TULP4: variants seen among roughly 807,000 people sequenced by gnomAD.
TULP4 encodes the protein TUB like protein 4, also known as tubby-related protein 4.
TULP4 carries 16 observed loss-of-function variants against 129.0 expected under a neutral mutation model. The ratio of observed to expected loss-of-function variants is 0.12; its 90% CI spans 0.08 to 0.19. TULP4 has a LOEUF of 0.19. Among genes scored for constraint, TULP4 ranks in the 10% least tolerant of loss-of-function variants. The pLI, the probability that TULP4 is intolerant of heterozygous loss-of-function variation, is 1.00. For missense variants in TULP4, 1,842 were observed against 2,059.1 expected, an observed-to-expected ratio of 0.89 and a Z score of 2.04; for synonymous variants, 998 against 854.0, an observed-to-expected ratio of 1.17 and a Z score of -2.94.
rs6918518 is a variant in TULP4 at position 158,509,664 on chromosome 6, A to C, written c.*2970A>C. 0.52 allele frequency: 78,820 copies of C among 152,110 alleles called. 20,807 individuals carry two copies. The highest frequency in any genetic ancestry group is 0.61 in the African/African-American group (25,136 of 41,470). 9.4% of individuals were successfully genotyped at this position (152,110 alleles called of 1,614,324 possible). Reference sequence around the variant, plus strand: ...AGGCGCTTTCCCCCGATGGAGGCACAGGCTTCTGTCTCGGATGTTTGGCGC... The same window carrying C: ...AGGCGCTTTCCCCCGATGGAGGCACCGGCTTCTGTCTCGGATGTTTGGCGC... On this transcript the variant is annotated 3_prime_UTR_variant, in exon 14 of 14. Transcript: ENST00000367097.
At chr6:158,480,980 C>T (rs764369155) in intron 7 of TULP4, 75 bp from the exon 8 acceptor site, 157 of 1,374,884 alleles carry the variant, frequency 1.1e-4, no homozygotes, top group Non-Finnish European at 1.5e-4. Context: ...TGACCTGCCC[C>T]CGTGCCCACT....
chr6:158,440,777 C>A lies in TULP4; in HGVS notation c.544-8219C>A, dbSNP rs9456305. On this transcript the variant is annotated intron_variant, in intron 3 of 13. Transcript: ENST00000367097. Reference sequence around the variant, plus strand: ...GTTCGTTTTTAGTTATTTCTTTTTGCGTGTATTTGAGAAATTCTGTTGAGC... The same window carrying A: ...GTTCGTTTTTAGTTATTTCTTTTTGAGTGTATTTGAGAAATTCTGTTGAGC... Among the ~76,000 whole-genome samples the A allele has an allele frequency of 7.6e-3, 1,161 of 152,204 alleles. 13 individuals are homozygous for A. Among genetic ancestry groups the A allele is most frequent in the African/African-American group, 0.026 (1,092 of 41,530 alleles).
chr6:158,291,026 A>G (rs1353713755), intron 1 of TULP4, among the ~76,000 whole-genome samples: 1 of 152,226 alleles, frequency 6.6e-6, no homozygotes, highest in Non-Finnish European at 1.5e-5. Flanking sequence ...GAAATATAGT[A>G]CCTATAAAGC....
At chr6:158,240,719 C>T (rs1321695657) in intron 1 of TULP4, among the ~76,000 whole-genome samples, 5 of 127,662 alleles carry the variant, frequency 3.9e-5, no homozygotes, top group Non-Finnish European at 8.9e-5. Flanking sequence ...ACCTCCCTCC[C>T]GGACGGGGCG....
Position 158,446,467 on chromosome 6 carries a change from T to C in TULP4, c.544-2529T>C, listed in dbSNP as rs1397341432. Among the ~76,000 whole-genome samples the C allele has an allele frequency of 3.9e-5, 6 of 152,362 alleles. No homozygotes were observed. In the South Asian group the frequency reaches 8.3e-4, roughly 21 times the overall value. ...AATCAGTCCTTATTCAGGAATTATA[T>C]GTATGTTCTTTCATCTGTCCTTTCT... On this transcript the variant is annotated intron_variant, in intron 3 of 13. Coordinates refer to ENST00000367097, the MANE Select transcript of TULP4 (RefSeq NM_020245.5).
intron 1 of TULP4, among the ~76,000 whole-genome samples, chr6:158,330,956 A>G (rs1409323116): frequency 6.6e-6 from 1 of 152,124 alleles, no homozygotes; most frequent in East Asian, 1.9e-4. Context: ...CCAAGCCAGA[A>G]TACTACATAA....
chr6:158,362,876 T>G (rs1780828815), intron 1 of TULP4, among the ~76,000 whole-genome samples: 2 of 150,986 alleles, frequency 1.3e-5, no homozygotes. Flanking sequence ...CCTGGCCAAG[T>G]TGGTGAAACC....
At chr6:158,311,818 T>A (rs1779361188), upstream of TULP4, among the ~76,000 whole-genome samples, 1 of 152,132 alleles carries the variant, frequency 6.6e-6, no homozygotes, top group Non-Finnish European at 1.5e-5. Context: ...TGCTGACAAA[T>A]TGAATACAAC....
Position 158,502,168 on chromosome 6 carries a change from C to A in TULP4, c.2505C>A (p.Pro835=). 6.4e-7 allele frequency: 1 copy of A among 1,570,552 alleles called. No homozygotes were observed. The highest frequency in any genetic ancestry group is 2.3e-5 in the East Asian group (1 of 43,340). ...EVQVTKINPP[P]PYPGTIPAAP... ...AGGTGACGAAGATAAACCCTCCACCCCCGTACCCAGGAACCATCCCCGCTG... is the reference window on the plus strand; with the variant it reads ...AGGTGACGAAGATAAACCCTCCACCACCGTACCCAGGAACCATCCCCGCTG... Residue 835 remains proline, a synonymous_variant, in exon 13 of 14, where the codon CCC becomes CCA. Transcript: ENST00000367097.
At chr6:158,378,175 C>T (rs571150173) in intron 1 of TULP4, among the ~76,000 whole-genome samples, 131 of 152,274 alleles carry the variant, frequency 8.6e-4, no homozygotes, top group African/African-American at 2.5e-3. Context: ...GGCACATCCT[C>T]TCTTCTGCAG....
intron 1 of TULP4, among the ~76,000 whole-genome samples, chr6:158,241,158 G>A (rs1402536511): frequency 1.5e-5 from 2 of 136,208 alleles, no homozygotes; most frequent in Non-Finnish European, 3.3e-5. Context: ...GGGCGGCCGG[G>A]CAGAGACGCT....
intron 8 of TULP4, among the ~76,000 whole-genome samples, chr6:158,489,358 T>G (rs938369059): frequency 5.9e-5 from 9 of 152,226 alleles, no homozygotes; most frequent in Admixed American, 5.9e-4. Flanking sequence ...CGTACATTCC[T>G]AGAAACATTA....
At chr6:158,452,414 A>C in intron 5 of TULP4, 146 bp downstream of exon 5, 1 of 1,024,110 alleles carries the variant, frequency 9.8e-7, no homozygotes. Flanking sequence ...AACTAAAGCC[A>C]CTCCCTCTTC....
intron 1 of TULP4, among the ~76,000 whole-genome samples, chr6:158,236,725 A>G (rs1777708422): frequency 1.3e-5 from 2 of 151,786 alleles, no homozygotes; most frequent in African/African-American, 4.8e-5. Context: ...GAAGCTGAAA[A>G]AAGATCAAAT....
chr6:158,493,565 C>A lies in TULP4; in HGVS notation c.1632-8C>A. ...GATGCCTGACCCCTCCTGGCCTTGC[C>A]TCCCCAGGATCAGCATTGAGGCCCG... On this transcript the variant is annotated splice_polypyrimidine_tract_variant and splice_region_variant and intron_variant, in intron 9 of 13. Transcript: ENST00000367097. This position sits in a 1 kb window ranked among gnomAD's most constrained non-coding sequence, Gnocchi z 4.4. 6.7e-7 allele frequency: 1 copy of A among 1,490,448 alleles called. No individual in the cohort carries two copies. The highest frequency in any genetic ancestry group is 8.9e-7 in the Non-Finnish European group (1 of 1,119,094). 92.3% of individuals were successfully genotyped at this position (1,490,448 alleles called of 1,614,324 possible).
intron 2 of TULP4, among the ~76,000 whole-genome samples, chr6:158,420,693 A>G (rs341147): frequency 0.24 from 36,519 of 151,882 alleles, 5,647 homozygotes; most frequent in Non-Finnish European, 0.34. Flanking sequence ...CATGTTGGCC[A>G]GGTGGGTCTC....
intron 1 of TULP4, among the ~76,000 whole-genome samples, chr6:158,315,762 T>G (rs942447119): frequency 6.6e-6 from 1 of 152,220 alleles, no homozygotes; most frequent in African/African-American, 2.4e-5. Context: ...TGGTGAGGGC[T>G]CTCTCCTCCA....
chr6:158,309,311 G>T (rs1308193021), upstream of TULP4, among the ~76,000 whole-genome samples: 1 of 141,714 alleles, frequency 7.1e-6, no homozygotes, highest in Admixed American at 7.0e-5. Flanking sequence ...GGGCAGAGGC[G>T]CTCCCCACAT....
chr6:158,254,855 C>T (rs9347167), intron 1 of TULP4, among the ~76,000 whole-genome samples: 50,024 of 152,078 alleles, frequency 0.33, 9,219 homozygotes, highest in Admixed American at 0.45. Context: ...GTGGATCACC[C>T]GAGACCGGAA....
Sources: gnomAD v4.1 joint callset for allele counts (sites outside exome capture counted in the v4.1 genomes callset) on GRCh38, gnomAD v4.1.1 for gene constraint, Gnocchi (gnomAD v3.1) non-coding constraint, MANE v1.5 for transcripts, NCBI Gene and HGNC (gene_info 2026-07-23, HGNC 2026-07-21) for gene names.